The following CTNNA3 variants were observed in gnomAD, a reference collection of about 807,000 sequenced individuals.
The protein encoded by CTNNA3 is catenin alpha 3, also known as catenin alpha-3.
A neutral mutation model predicts 95.7 loss-of-function variants in CTNNA3; 76 were observed. The ratio of observed to expected loss-of-function variants is 0.79; its 90% CI spans 0.66 to 0.96. CTNNA3 has a LOEUF of 0.96. CTNNA3 is among the 40% of genes least tolerant of loss of function. The pLI is 0.00. For missense variants in CTNNA3, 1,191 were observed against 1,089.8 expected (o/e 1.09, Z -1.31); for synonymous variants, 431 against 374.4 (o/e 1.15, Z -1.74).
In CTNNA3 at chr10:66,583,001, G is replaced by A. The variant is rs1448613524; in HGVS notation, c.1374+38691C>T. ...CTAAAGTGAAATCCATGTGAATATA[G>A]TGGATTATTTTTTTGATGCGCTGTT... On this transcript the variant is annotated intron_variant, in intron 10 of 17. Transcript: ENST00000433211. Among the ~76,000 whole-genome samples the A allele has an allele frequency of 2.0e-5, 3 of 151,738 alleles. No individual in the cohort carries two copies. In the East Asian group the frequency reaches 5.8e-4, roughly 29 times the overall value.
chr10:67,747,969 G>A (rs1182142860), intron 1 of CTNNA3, among the ~76,000 whole-genome samples: 7 of 152,120 alleles, frequency 4.6e-5, no homozygotes, highest in Non-Finnish European at 8.8e-5. Context: ...TACAAGTATC[G>A]ATAGCTGAAT....
intron 17 of CTNNA3, among the ~76,000 whole-genome samples, chr10:65,940,175 C>T (rs1337963050): frequency 6.6e-6 from 1 of 152,118 alleles, no homozygotes; most frequent in African/African-American, 2.4e-5. Context: ...CATTGTGTTG[C>T]AAAAATCCAC....
intron 10 of CTNNA3, among the ~76,000 whole-genome samples, chr10:66,559,062 C>T (rs906099109): frequency 6.6e-6 from 1 of 152,104 alleles, no homozygotes; most frequent in Non-Finnish European, 1.5e-5. Flanking sequence ...AACTCCTTTT[C>T]CTTCAGGTTC....
At chr10:66,466,567 T>G (rs1195080584) in intron 11 of CTNNA3, among the ~76,000 whole-genome samples, 1 of 152,070 alleles carries the variant, frequency 6.6e-6, no homozygotes, top group Non-Finnish European at 1.5e-5. Flanking sequence ...AACACTGACC[T>G]TCTGGGTCAG....
intron 9 of CTNNA3, among the ~76,000 whole-genome samples, chr10:66,732,645 G>A (rs568219605): frequency 2.0e-5 from 3 of 152,030 alleles, no homozygotes; most frequent in East Asian, 1.9e-4. Flanking sequence ...TCACTATTAC[G>A]AGAACAGGAG....
chr10:66,953,555 A>G (rs964250153), intron 7 of CTNNA3, among the ~76,000 whole-genome samples: 1 of 152,176 alleles, frequency 6.6e-6, no homozygotes, highest in African/African-American at 2.4e-5. Flanking sequence ...CTGGCACACC[A>G]TAGTTAGTTA....
intron 7 of CTNNA3, among the ~76,000 whole-genome samples, chr10:67,077,445 A>G (rs1282882484): frequency 6.6e-6 from 1 of 151,788 alleles, no homozygotes; most frequent in East Asian, 1.9e-4. Context: ...CCACTCCCCC[A>G]TCCTGCCATA....
At chr10:67,159,200 C>T (rs1233313996) in intron 7 of CTNNA3, among the ~76,000 whole-genome samples, 13 of 152,246 alleles carry the variant, frequency 8.5e-5, no homozygotes, top group Admixed American at 7.9e-4. Context: ...TCGTGTACCC[C>T]TTGCTTGCTC....
At chr10:67,617,678 C>T (rs537639595) in intron 2 of CTNNA3, among the ~76,000 whole-genome samples, 2 of 151,874 alleles carry the variant, frequency 1.3e-5, no homozygotes, top group Non-Finnish European at 2.9e-5. Flanking sequence ...GGAACTGCCG[C>T]ACTGTTTTCC....
chr10:66,054,093 GTA>G, intron 15 of CTNNA3, among the ~76,000 whole-genome samples: 1 of 152,204 alleles, frequency 6.6e-6, no homozygotes, highest in East Asian at 1.9e-4. Flanking sequence ...ATTCCATTGT[GTA>G]TATGTACCAC....
intron 7 of CTNNA3, among the ~76,000 whole-genome samples, chr10:67,009,792 C>T (rs10822957): frequency 0.14 from 20,773 of 152,126 alleles, 1,929 homozygotes; most frequent in Non-Finnish European, 0.21. Context: ...CTCTTATTTC[C>T]TTTTCCCAGG....
intron 1 of CTNNA3, among the ~76,000 whole-genome samples, chr10:67,738,292 T>C (rs1403587740): frequency 6.6e-6 from 1 of 152,116 alleles, no homozygotes; most frequent in African/African-American, 2.4e-5. Context: ...CTGCTGGTGA[T>C]ACCCAGGCAA....
intron 15 of CTNNA3, among the ~76,000 whole-genome samples, chr10:66,018,187 TACACAC>T (rs59373779): frequency 4.2e-5 from 6 of 142,168 alleles, no homozygotes; most frequent in South Asian, 4.7e-4. Context: ...ACAGCTCAAA[TACACAC>T]ACACACACAC....
chr10:66,363,646 G>A (rs991772176), intron 12 of CTNNA3, among the ~76,000 whole-genome samples: 1 of 152,082 alleles, frequency 6.6e-6, no homozygotes, highest in Non-Finnish European at 1.5e-5. Context: ...AACATATTAG[G>A]GGAAGTGAAA....
At chr10:66,363,126 C>T (rs1388378762) in intron 12 of CTNNA3, among the ~76,000 whole-genome samples, 1 of 152,034 alleles carries the variant, frequency 6.6e-6, no homozygotes, top group Non-Finnish European at 1.5e-5. Context: ...AAACATTAGG[C>T]CAAAAAAATC....
intron 7 of CTNNA3, among the ~76,000 whole-genome samples, chr10:67,018,759 G>A (rs1480884981): frequency 1.3e-5 from 2 of 152,206 alleles, no homozygotes; most frequent in African/African-American, 4.8e-5. Flanking sequence ...GAAGATTAAA[G>A]GAGTTAATTT....
At chr10:66,776,524 TAACA>T (rs2082641227) in intron 7 of CTNNA3, among the ~76,000 whole-genome samples, 1 of 152,160 alleles carries the variant, frequency 6.6e-6, no homozygotes, top group South Asian at 2.1e-4. Flanking sequence ...GTGGACTCCC[TAACA>T]AGAAATTTAA....
chr10:66,831,476 C>T (rs1445733300), intron 7 of CTNNA3, among the ~76,000 whole-genome samples: 8 of 152,224 alleles, frequency 5.3e-5, no homozygotes, highest in African/African-American at 1.7e-4. Context: ...TTAATCCACC[C>T]TTACCTCTCA....
chr10:67,541,799 CTG>C (rs1478387414), intron 3 of CTNNA3, among the ~76,000 whole-genome samples: 1 of 151,996 alleles, frequency 6.6e-6, no homozygotes, highest in Admixed American at 6.6e-5. Context: ...TGCTATGAGA[CTG>C]TGAAAAGTTA....
Sources: gnomAD v4.1 joint callset for allele counts (sites outside exome capture counted in the v4.1 genomes callset) on GRCh38, gnomAD v4.1.1 for gene constraint, MANE v1.5 for transcripts, NCBI Gene and HGNC (gene_info 2026-07-23, HGNC 2026-07-21) for gene names.